The following SPPL3 variants were observed in gnomAD, a reference collection of about 807,000 sequenced individuals.
SPPL3 encodes signal peptide peptidase-like 3.
A neutral mutation model predicts 42.4 loss-of-function variants in SPPL3; 5 were observed. That is an observed-to-expected ratio of 0.12 (90% CI 0.06 to 0.25). The LOEUF is 0.25. Ranked by LOEUF, SPPL3 falls within the 10% of genes least tolerant of loss-of-function variation. SPPL3 has a pLI of 1.00. For synonymous variants in SPPL3, 195 were observed against 181.8 expected (o/e 1.07, Z -0.58); for missense variants, 235 against 489.0 (o/e 0.48, Z 4.90).
At chr12:120,873,958 GA>G (rs891334807) in intron 1 of SPPL3, among the ~76,000 whole-genome samples, 2 of 151,532 alleles carry the variant, frequency 1.3e-5, no homozygotes, top group African/African-American at 4.8e-5. Context: ...AGTACTGAAG[GA>G]AAAAAAGTCA....
intron 1 of SPPL3, among the ~76,000 whole-genome samples, chr12:120,858,397 A>C (rs1173976236): frequency 6.6e-6 from 1 of 151,890 alleles, no homozygotes; most frequent in Non-Finnish European, 1.5e-5. Flanking sequence ...CGGAGGTTGC[A>C]GTGAGCCAAG....
At chr12:120,869,796 A>G (rs1451400773) in intron 1 of SPPL3, among the ~76,000 whole-genome samples, 3 of 152,258 alleles carry the variant, frequency 2.0e-5, no homozygotes, top group Non-Finnish European at 4.4e-5. Flanking sequence ...TACTACAAAT[A>G]TATGTGATTA....
At chr12:120,850,514 C>CAAAAAAAAAAAAAAAAAAAAAAA (rs56375227) in intron 1 of SPPL3, among the ~76,000 whole-genome samples, 1 of 116,698 alleles carries the variant, frequency 8.6e-6, no homozygotes. Flanking sequence ...AAAAAAAAAA[C>CAAAAAAAAAAAAAAAAAAAAAAA]AAAAGCCAAA....
At chr12:120,897,639 C>T (rs111329065) in intron 1 of SPPL3, among the ~76,000 whole-genome samples, 2,546 of 152,226 alleles carry the variant, frequency 0.017, 27 homozygotes, top group South Asian at 0.066. Flanking sequence ...AGGAGAATGG[C>T]GTGAACCCGG....
intron 1 of SPPL3, among the ~76,000 whole-genome samples, chr12:120,888,233 G>A (rs533512689): frequency 3.9e-5 from 6 of 151,994 alleles, no homozygotes; most frequent in Admixed American, 2.6e-4. Context: ...CCACCACCAC[G>A]CCCAGCTAAT....
In SPPL3 at chr12:120,763,124, G is replaced by A. The variant is rs1868729913; in HGVS notation, c.*1875C>T. ...ACTGGGCCAGAGCTGCAGATGACCA[G>A]GTCTGGGGACAGACAGAGTCTTCCC... On this transcript the variant is annotated 3_prime_UTR_variant, in exon 11 of 11. Coordinates refer to ENST00000353487, the MANE Select transcript of SPPL3 (RefSeq NM_139015.5). The A allele has an allele frequency of 6.6e-6, 1 of 152,244 alleles. No individual in the cohort carries two copies. Among genetic ancestry groups the A allele is most frequent in the South Asian group, 2.1e-4 (1 of 4,834 alleles). The allele number at this position is 152,244 out of a possible 1,614,324, so 9.4% of individuals were successfully genotyped here.
At chr12:120,834,901 T>A (rs1269231814) in intron 1 of SPPL3, among the ~76,000 whole-genome samples, 4 of 152,156 alleles carry the variant, frequency 2.6e-5, no homozygotes, top group African/African-American at 9.6e-5. Context: ...ACCCTCCAAC[T>A]AATAACTGAA....
chr12:120,840,203 G>T (rs928938838), intron 1 of SPPL3, among the ~76,000 whole-genome samples: 20 of 149,870 alleles, frequency 1.3e-4, no homozygotes, highest in African/African-American at 4.9e-4. Flanking sequence ...GCTTGAACCC[G>T]GCGGGTGGAG....
intron 1 of SPPL3, among the ~76,000 whole-genome samples, chr12:120,816,196 C>T (rs1870870688): frequency 6.6e-6 from 1 of 152,154 alleles, no homozygotes; most frequent in Non-Finnish European, 1.5e-5. Flanking sequence ...GATCTCACCT[C>T]CATATCCTGG....
At position 120,822,457 on chromosome 12, in the gene SPPL3, C is replaced by G. The variant is rs77025604; in HGVS notation, c.24-11571G>C. Reference sequence around the variant, plus strand: ...AAAAGCATCCCTACAATTCCAAAATCTAACTTCAAGAAGAAAATTTCCAGT... The same window carrying G: ...AAAAGCATCCCTACAATTCCAAAATGTAACTTCAAGAAGAAAATTTCCAGT... On this transcript the variant is annotated intron_variant, in intron 1 of 10. Transcript: ENST00000353487. Among the ~76,000 whole-genome samples, 728 of 152,288 alleles carry G rather than the reference C, an allele frequency of 4.8e-3. 3 individuals carry two copies. The highest frequency in any genetic ancestry group is 9.1e-3 in the Non-Finnish European group (619 of 68,012).
intron 2 of SPPL3, among the ~76,000 whole-genome samples, chr12:120,794,002 T>C (rs1870013815): frequency 6.6e-6 from 1 of 152,236 alleles, no homozygotes; most frequent in African/African-American, 2.4e-5. Flanking sequence ...GGTACTGAAA[T>C]CTTCAGCTAT....
At chr12:120,767,267 C>A in intron 9 of SPPL3, 127 bp downstream of exon 9, 1 of 997,540 alleles carries the variant, frequency 1.0e-6, no homozygotes, top group Non-Finnish European at 1.5e-6. Context: ...GCCAGGCTGT[C>A]TATTACAGCA....
chr12:120,820,306 AT>A (rs11374486), intron 1 of SPPL3, among the ~76,000 whole-genome samples: 497 of 100,976 alleles, frequency 4.9e-3, no homozygotes, highest in East Asian at 9.4e-3. Flanking sequence ...CTTTCTCTAA[AT>A]TTTTTTTTTT....
At chr12:120,818,006 T>C (rs1162402011) in intron 1 of SPPL3, among the ~76,000 whole-genome samples, 1 of 152,162 alleles carries the variant, frequency 6.6e-6, no homozygotes, top group Non-Finnish European at 1.5e-5. Context: ...TGGGTAAGTC[T>C]GGCCAATAAT....
chr12:120,794,869 T>C lies in SPPL3; in HGVS notation c.102-3312A>G, dbSNP rs577533339. On this transcript the variant is annotated intron_variant, in intron 2 of 10. Coordinates refer to ENST00000353487, the MANE Select transcript of SPPL3 (RefSeq NM_139015.5). ...TTTTTATGATCCAATTTGATCTCCT[T>C]TGTTGTCCTATGAGCTATAACTCTT... Among the ~76,000 whole-genome samples the C allele has an allele frequency of 1.8e-4, 27 of 152,332 alleles. No individual in the cohort carries two copies. In the South Asian group the frequency reaches 4.3e-3, roughly 25 times the overall value.
intron 8 of SPPL3, among the ~76,000 whole-genome samples, chr12:120,768,117 A>C (rs565379851): frequency 2.4e-4 from 36 of 152,354 alleles, no homozygotes; most frequent in Admixed American, 1.6e-3. Flanking sequence ...CTGTTTGCTG[A>C]CATTAATCAA....
intron 1 of SPPL3, among the ~76,000 whole-genome samples, chr12:120,814,923 T>C (rs1870815760): frequency 6.6e-6 from 1 of 152,212 alleles, no homozygotes; most frequent in Admixed American, 6.5e-5. Context: ...ACTTCCTTTT[T>C]AAAATTTTCT....
chr12:120,769,108 G>T, intron 6 of SPPL3, 49 bp from the exon 7 acceptor site: 1 of 1,428,022 alleles, frequency 7.0e-7, no homozygotes, highest in Non-Finnish European at 9.7e-7. Flanking sequence ...TGGACTCCAG[G>T]CTCATCCTCT....
At chr12:120,804,402 A>G (rs1870422866) in intron 2 of SPPL3, among the ~76,000 whole-genome samples, 1 of 152,212 alleles carries the variant, frequency 6.6e-6, no homozygotes, top group African/African-American at 2.4e-5. Context: ...TTCAACAAGA[A>G]AAAGAAAACC....
Sources: allele counts gnomAD v4.1 joint callset (sites outside exome capture counted in the v4.1 genomes callset), GRCh38; gene constraint gnomAD v4.1.1; transcripts MANE v1.5; gene names NCBI Gene and HGNC (gene_info 2026-07-23, HGNC 2026-07-21).